Variants in RIMS1 observed in about 807,000 individuals in gnomAD.
RIMS1 encodes regulating synaptic membrane exocytosis protein 1.
In RIMS1, 83 loss-of-function variants were observed where a neutral mutation model predicts 214.1. That is an observed-to-expected ratio of 0.39 (90% CI 0.32 to 0.47). RIMS1 has a LOEUF of 0.47. Ranked by LOEUF, RIMS1 falls within the 20% of genes least tolerant of loss-of-function variation. The pLI is 0.99. For synonymous variants in RIMS1, 793 were observed against 786.8 expected, an observed-to-expected ratio of 1.01 and a Z score of -0.13; for missense variants, 2,050 against 2,161.8, an observed-to-expected ratio of 0.95 and a Z score of 1.03.
At position 72,284,044 on chromosome 6, in the gene RIMS1, C is replaced by T. The variant is rs1357937161; in HGVS notation, c.3483-3C>T. On this transcript the variant is annotated splice_polypyrimidine_tract_variant and splice_region_variant and intron_variant, in intron 23 of 33. Transcript: ENST00000521978. ...ATTTTGTGTTTAACATTTCATTCCA[C>T]AGGCACTCCAGAAAGTCTGAAAGAT... 6.2e-7 allele frequency: 1 copy of T among 1,610,802 alleles called. No homozygotes were observed. Among genetic ancestry groups the T allele is most frequent in the Non-Finnish European group, 8.5e-7 (1 of 1,177,490 alleles).
chr6:71,986,190 GTTT>G (rs35395914), intron 2 of RIMS1, among the ~76,000 whole-genome samples: 2 of 131,772 alleles, frequency 1.5e-5, no homozygotes, highest in Non-Finnish European at 1.6e-5. Flanking sequence ...TTTGGGTTTT[GTTT>G]TTTTTTTTTT....
chr6:72,180,875 T>C (rs1173007435), intron 5 of RIMS1, among the ~76,000 whole-genome samples: 1 of 152,234 alleles, frequency 6.6e-6, no homozygotes, highest in Non-Finnish European at 1.5e-5. Context: ...GTCTGGATTC[T>C]AGTCCTGGCT....
At chr6:71,985,183 A>T (rs1052181503) in intron 2 of RIMS1, among the ~76,000 whole-genome samples, 1 of 152,154 alleles carries the variant, frequency 6.6e-6, no homozygotes, top group Non-Finnish European at 1.5e-5. Context: ...CAGAAATTTG[A>T]GACTAGCCTG....
intron 2 of RIMS1, among the ~76,000 whole-genome samples, chr6:72,038,102 A>C (rs1820223394): frequency 1.4e-5 from 1 of 72,524 alleles, no homozygotes; most frequent in African/African-American, 6.6e-5. Flanking sequence ...AAAAAAAAAA[A>C]AAAAAAAAAA....
chr6:72,251,302 C>T lies in RIMS1; in HGVS notation c.2632C>T (p.Pro878Ser), dbSNP rs1444079113. The change falls in exon 15 of 34, where the codon CCT becomes TCT. Residue 878 changes from proline (P) to serine (S), a missense_variant. Around this residue, in one of 6 missense-constraint regions of RIMS1, gnomAD observed 889 missense variants for 885.5 expected, o/e 1.00. Transcript: ENST00000521978. Reference sequence around the variant, plus strand: ...ACATGATGAGTCTTCACTACCTCTGCCTCAGCCATCACCTTTCATGCCAAG... The same window carrying T: ...ACATGATGAGTCTTCACTACCTCTGTCTCAGCCATCACCTTTCATGCCAAG... ...QTHDESSLPL[P>S]QPSPFMPRRH... is the part of the protein sequence containing the mutation. The T allele has an allele frequency of 1.2e-6, 2 of 1,600,362 alleles. No individual in the cohort carries two copies. The highest frequency in any genetic ancestry group is 1.7e-6 in the Non-Finnish European group (2 of 1,172,888).
chr6:71,969,725 C>G (rs1049906060), intron 2 of RIMS1, among the ~76,000 whole-genome samples: 1 of 152,120 alleles, frequency 6.6e-6, no homozygotes, highest in African/African-American at 2.4e-5. Context: ...AGGAAAATCA[C>G]CTGAACCTGT....
chr6:72,121,189 GA>G (rs2038222044), intron 4 of RIMS1, among the ~76,000 whole-genome samples: 1 of 151,998 alleles, frequency 6.6e-6, no homozygotes, highest in Admixed American at 6.6e-5. Flanking sequence ...ATTCTGTGAA[GA>G]AAATCATTGG....
intron 4 of RIMS1, among the ~76,000 whole-genome samples, chr6:72,120,908 G>T (rs1430810198): frequency 6.6e-6 from 1 of 151,832 alleles, no homozygotes; most frequent in Non-Finnish European, 1.5e-5. Flanking sequence ...ATTAAATAGG[G>T]AATCGTTTCC....
Position 72,134,785 on chromosome 6 carries a change from A to G in RIMS1, c.471+34799A>G, listed in dbSNP as rs150903968. Among the ~76,000 whole-genome samples, 637 of 152,230 alleles carry G rather than the reference A, an allele frequency of 4.2e-3. 15 individuals are homozygous for G. Among genetic ancestry groups the G allele is most frequent in the Admixed American group, 0.037 (563 of 15,276 alleles). On this transcript the variant is annotated intron_variant, in intron 4 of 33. Transcript: ENST00000521978. Reference sequence around the variant, plus strand: ...ACTTAGTTTTCAATAATTAAGTTCTAAAAAAGAAATAAAAATACATTCTCC... The same window carrying G: ...ACTTAGTTTTCAATAATTAAGTTCTGAAAAAGAAATAAAAATACATTCTCC...
intron 2 of RIMS1, among the ~76,000 whole-genome samples, chr6:72,057,594 G>A (rs367792948): frequency 6.9e-6 from 1 of 144,840 alleles, no homozygotes; most frequent in African/African-American, 2.5e-5. Context: ...TGCAAGCTCC[G>A]CCTCCCAGGT....
chr6:72,031,162 G>T (rs1301613110), intron 2 of RIMS1, among the ~76,000 whole-genome samples: 1 of 152,108 alleles, frequency 6.6e-6, no homozygotes, highest in African/African-American at 2.4e-5. Context: ...AGATTACACA[G>T]ATGGTCATAA....
At chr6:72,324,590 T>G (rs936868212) in intron 28 of RIMS1, among the ~76,000 whole-genome samples, 3 of 151,738 alleles carry the variant, frequency 2.0e-5, no homozygotes, top group African/African-American at 7.3e-5. Flanking sequence ...CAAAAGTAAA[T>G]GTACTCAGTA....
At chr6:72,075,220 C>T (rs945838221) in intron 2 of RIMS1, among the ~76,000 whole-genome samples, 5 of 151,860 alleles carry the variant, frequency 3.3e-5, no homozygotes, top group Non-Finnish European at 7.4e-5. Context: ...TAGCTAGGAC[C>T]GCAGGTATAT....
At chr6:72,288,581 A>G (rs1259954963) in intron 24 of RIMS1, among the ~76,000 whole-genome samples, 3 of 152,308 alleles carry the variant, frequency 2.0e-5, no homozygotes, top group South Asian at 2.1e-4. Context: ...AACAGCCTGG[A>G]TTCTTTCAAC....
intron 29 of RIMS1, among the ~76,000 whole-genome samples, chr6:72,353,143 C>T (rs2097522150): frequency 6.6e-6 from 1 of 151,676 alleles, no homozygotes; most frequent in African/African-American, 2.4e-5. Context: ...CACTACCACG[C>T]TCAGCTAGTT....
rs371676637 is a variant in RIMS1, at chr6:72,259,448, A to G, written c.3053+337A>G. Among the ~76,000 whole-genome samples the G allele has an allele frequency of 2.6e-5, 4 of 152,256 alleles. No homozygotes were observed. The East Asian group carries it at 5.8e-4, about 22-fold the overall frequency. ...AATATTTTATTTATTGTGGGTCACA[A>G]TATTTGAGGTATGAAGTAATCATAA... On this transcript the variant is annotated intron_variant, in intron 18 of 33. Transcript: ENST00000521978.
At chr6:72,064,742 C>T (rs1435146772) in intron 2 of RIMS1, among the ~76,000 whole-genome samples, 2 of 152,194 alleles carry the variant, frequency 1.3e-5, no homozygotes, top group African/African-American at 4.8e-5. Context: ...TTAAGATGTG[C>T]TCAGGGCAGG....
intron 25 of RIMS1, 23 bp downstream of exon 25, chr6:72,290,884 A>G: frequency 6.2e-7 from 1 of 1,607,984 alleles, no homozygotes; most frequent in Non-Finnish European, 8.5e-7. Flanking sequence ...TGTCCCCCTC[A>G]GCATTCATGT....
In RIMS1 at chr6:72,182,585, G is replaced by C. The variant is rs769199212; in HGVS notation, c.1114G>C (p.Glu372Gln). Reference sequence around the variant, plus strand: ...GTACCCGGTGAAACCGCCGCCTGAGGAGCAGCAGATGCGCATGCACGCCCG... The same window carrying C: ...GTACCCGGTGAAACCGCCGCCTGAGCAGCAGCAGATGCGCATGCACGCCCG... ...ARYPVKPPPEEQQMRMHARVS... is the reference protein window; with the variant it reads ...ARYPVKPPPEQQQMRMHARVS... The change falls in exon 6 of 34, where the codon GAG becomes CAG. Residue 372 changes from glutamate to glutamine, a missense_variant. This residue lies in a region of RIMS1 where 882 missense variants were observed against 828.9 expected (regional missense o/e 1.06). Transcript: ENST00000521978. The C allele has an allele frequency of 1.5e-5, 24 of 1,549,070 alleles. 1 individual carries two copies. The South Asian group carries it at 2.5e-4, about 16-fold the overall frequency.
Sources: gnomAD v4.1 joint callset for allele counts (sites outside exome capture counted in the v4.1 genomes callset) on GRCh38, gnomAD v4.1.1 for gene constraint, gnomAD v4.1.1 regional missense constraint, MANE v1.5 for transcripts, NCBI Gene and HGNC (gene_info 2026-07-23, HGNC 2026-07-21) for gene names.